Variants in BPTF observed in about 807,000 individuals in gnomAD.
BPTF encodes bromodomain PHD finger transcription factor.
In BPTF, 18 loss-of-function variants were observed where a neutral mutation model predicts 292.5. That is an observed-to-expected ratio of 0.06 (90% CI 0.04 to 0.09). The LOEUF is 0.09. Ranked by LOEUF, BPTF falls within the 10% of genes least tolerant of loss-of-function variation. The probability of loss-of-function intolerance (pLI) is 1.00; values close to 1 mark genes in which losing one functional copy is unlikely to be tolerated. For missense variants in BPTF, 2,726 were observed against 3,498.7 expected, an observed-to-expected ratio of 0.78 and a Z score of 5.57; for synonymous variants, 1,225 against 1,251.9, an observed-to-expected ratio of 0.98 and a Z score of 0.45.
intron 18 of BPTF, among the ~76,000 whole-genome samples, chr17:67,936,016 GT>G (rs1386900671): frequency 6.6e-5 from 10 of 152,124 alleles, no homozygotes; most frequent in African/African-American, 2.2e-4. Context: ...AATTTGAAAA[GT>G]TGCCATAATG....
At chr17:67,948,769 C>G (rs2066001316) in intron 23 of BPTF, among the ~76,000 whole-genome samples, 1 of 152,224 alleles carries the variant, frequency 6.6e-6, no homozygotes, top group Non-Finnish European at 1.5e-5. Context: ...AGGCAGATCA[C>G]TTGAGCCCAG....
At chr17:67,899,085 T>A (rs1306207981) in intron 7 of BPTF, among the ~76,000 whole-genome samples, 2 of 152,154 alleles carry the variant, frequency 1.3e-5, no homozygotes, top group African/African-American at 4.8e-5. Context: ...CCACCAAAAC[T>A]GTGGCCAAAC....
chr17:67,853,109 C>G (rs188230101), intron 1 of BPTF, among the ~76,000 whole-genome samples: 1 of 152,316 alleles, frequency 6.6e-6, no homozygotes, highest in Admixed American at 6.5e-5. Flanking sequence ...ATACTCCAGC[C>G]TAGGCGACGG....
chr17:67,962,331 A>G (rs1401151227), intron 24 of BPTF, among the ~76,000 whole-genome samples: 2 of 152,200 alleles, frequency 1.3e-5, no homozygotes, highest in Admixed American at 1.3e-4. Context: ...CCTGTGATTC[A>G]TGGTAATTCT....
At chr17:67,964,764 G>T (rs2067859334) in intron 25 of BPTF, among the ~76,000 whole-genome samples, 1 of 152,046 alleles carries the variant, frequency 6.6e-6, no homozygotes. Context: ...ACTTTGGGAG[G>T]CCAAGGTGGG....
chr17:67,877,321 T>C (rs1467054446), intron 4 of BPTF, among the ~76,000 whole-genome samples: 1 of 152,164 alleles, frequency 6.6e-6, no homozygotes, highest in Non-Finnish European at 1.5e-5. Context: ...TCAACAGCTA[T>C]TTATTGAGTG....
At chr17:67,966,941 A>G (rs1381433637) in intron 26 of BPTF, among the ~76,000 whole-genome samples, 5 of 151,546 alleles carry the variant, frequency 3.3e-5, no homozygotes, top group African/African-American at 2.4e-5. Context: ...CTCTACTAAA[A>G]ATACAAAAAT....
chr17:67,943,010 G>A (rs992913220), intron 19 of BPTF, among the ~76,000 whole-genome samples: 4 of 152,142 alleles, frequency 2.6e-5, no homozygotes, highest in Admixed American at 6.6e-5. Flanking sequence ...TTGCTCCTGA[G>A]TTTGTGAACC....
chr17:67,909,027 G>T (rs904344410), intron 9 of BPTF, among the ~76,000 whole-genome samples: 87 of 150,996 alleles, frequency 5.8e-4, no homozygotes, highest in African/African-American at 2.1e-3. Context: ...TAGAGATCGG[G>T]TTTCACCATG....
rs118161511 is a variant in BPTF at position 67,962,011 on chromosome 17, C to T, written c.8261+2136C>T. Reference sequence around the variant, plus strand: ...AAAGAAAAAAAGCCGGGCCTGGTGGCGCATGCCTATAGCCCCAGCTACTCG... The same window carrying T: ...AAAGAAAAAAAGCCGGGCCTGGTGGTGCATGCCTATAGCCCCAGCTACTCG... On this transcript the variant is annotated intron_variant, in intron 24 of 27. Coordinates refer to ENST00000306378, the MANE Select transcript of BPTF (RefSeq NM_182641.4). 2.8e-3 allele frequency among the ~76,000 whole-genome samples: 421 copies of T among 151,614 alleles called. 2 individuals are homozygous for T. Among genetic ancestry groups the T allele is most frequent in the Non-Finnish European group, 3.9e-3 (268 of 67,926 alleles).
chr17:67,883,625 A>C (rs948404978), intron 4 of BPTF, among the ~76,000 whole-genome samples: 2 of 152,096 alleles, frequency 1.3e-5, no homozygotes, highest in Non-Finnish European at 2.9e-5. Context: ...TTTGAGACAG[A>C]GTATCACTCT....
intron 23 of BPTF, among the ~76,000 whole-genome samples, chr17:67,950,051 CAA>C (rs567911150): frequency 1.0e-4 from 7 of 68,572 alleles, no homozygotes; most frequent in Non-Finnish European, 4.8e-5. Context: ...GAGACTGTCT[CAA>C]AAAAAAAAAA....
At chr17:67,939,461 A>G (rs544590660) in intron 18 of BPTF, among the ~76,000 whole-genome samples, 2 of 152,368 alleles carry the variant, frequency 1.3e-5, no homozygotes, top group Non-Finnish European at 2.9e-5. Context: ...TACATGGGGG[A>G]AAATTCCACT....
At chr17:67,874,280 T>A (rs1567952519) in intron 3 of BPTF, among the ~76,000 whole-genome samples, 2 of 152,206 alleles carry the variant, frequency 1.3e-5, no homozygotes, top group African/African-American at 4.8e-5. Flanking sequence ...TTAGTGACTT[T>A]CAGAACAATT....
At chr17:67,848,476 C>T (rs1172718207) in intron 1 of BPTF, among the ~76,000 whole-genome samples, 1 of 152,166 alleles carries the variant, frequency 6.6e-6, no homozygotes, top group African/African-American at 2.4e-5. Flanking sequence ...CCTGGAGGCA[C>T]AGCAAAGGGT....
intron 27 of BPTF, chr17:67,976,212 C>T (rs1309552202): frequency 1.6e-5 from 4 of 253,512 alleles, no homozygotes; most frequent in Non-Finnish European, 3.0e-5. Flanking sequence ...GTGGCTCACG[C>T]CTGTAATCCC....
intron 7 of BPTF, among the ~76,000 whole-genome samples, chr17:67,902,322 C>T (rs1172275285): frequency 6.6e-6 from 1 of 152,154 alleles, no homozygotes; most frequent in Admixed American, 6.5e-5. Context: ...CCTGGCCTTT[C>T]AGAGGTGTAT....
intron 26 of BPTF, among the ~76,000 whole-genome samples, chr17:67,968,677 A>T (rs1458892300): frequency 6.6e-6 from 1 of 150,876 alleles, no homozygotes; most frequent in East Asian, 1.9e-4. Flanking sequence ...AGTCCCAGCT[A>T]CTCAGGAGGC....
intron 2 of BPTF, among the ~76,000 whole-genome samples, chr17:67,857,701 G>C (rs942076169): frequency 2.6e-5 from 4 of 151,150 alleles, no homozygotes; most frequent in Non-Finnish European, 4.4e-5. Flanking sequence ...TTGTGAGCTC[G>C]AGCCATCTGC....
Sources: allele counts gnomAD v4.1 joint callset (sites outside exome capture counted in the v4.1 genomes callset), GRCh38; gene constraint gnomAD v4.1.1; transcripts MANE v1.5; gene names NCBI Gene and HGNC (gene_info 2026-07-23, HGNC 2026-07-21).